Variants in EBF1 observed in about 807,000 individuals in gnomAD.
EBF1 encodes transcription factor COE1.
A neutral mutation model predicts 68.4 loss-of-function variants in EBF1; 10 were observed. The observed-to-expected ratio is 0.15, with a 90% CI of 0.09 to 0.25. The LOEUF is 0.25. Among genes scored for constraint, EBF1 ranks in the 10% least tolerant of loss-of-function variants. The pLI is 1.00. For synonymous variants in EBF1, 298 were observed against 299.8 expected (o/e 0.99, Z 0.06); for missense variants, 509 against 794.4 (o/e 0.64, Z 4.32).
At position 158,905,730 on chromosome 5, in the gene EBF1, T is replaced by C. The variant is rs578155144; in HGVS notation, c.555-65620A>G. Among the ~76,000 whole-genome samples the C allele has an allele frequency of 4.6e-5, 7 of 152,336 alleles. No homozygotes were observed. The South Asian group carries it at 6.2e-4, about 14-fold the overall frequency. On this transcript the variant is annotated intron_variant, in intron 6 of 15. Transcript: ENST00000313708. ...TTTTTTCTTGCTCATTATTGAAATATGCATCACCGAAGCTGGGGCAAAGGA... is the reference window on the plus strand; with the variant it reads ...TTTTTTCTTGCTCATTATTGAAATACGCATCACCGAAGCTGGGGCAAAGGA...
chr5:159,010,644 C>T (rs1764468912), intron 6 of EBF1, among the ~76,000 whole-genome samples: 1 of 152,208 alleles, frequency 6.6e-6, no homozygotes, highest in Non-Finnish European at 1.5e-5. Context: ...TAGAGACATA[C>T]TAAAGTCACA....
intron 6 of EBF1, among the ~76,000 whole-genome samples, chr5:158,889,257 G>A (rs886419922): frequency 6.6e-6 from 1 of 152,156 alleles, no homozygotes; most frequent in African/African-American, 2.4e-5. Context: ...GATGGGGATG[G>A]CAAGTGGTGA....
chr5:158,888,078 C>T (rs1166343606), intron 6 of EBF1, among the ~76,000 whole-genome samples: 4 of 152,028 alleles, frequency 2.6e-5, no homozygotes, highest in Non-Finnish European at 4.4e-5. Flanking sequence ...GGTGAGGGCT[C>T]GGCAGAAGTC....
chr5:158,773,352 T>G (rs892768364), intron 10 of EBF1, among the ~76,000 whole-genome samples: 20 of 152,132 alleles, frequency 1.3e-4, no homozygotes, highest in Non-Finnish European at 1.8e-4. Context: ...AATTCTCATT[T>G]CGAAGTTAGT....
chr5:158,935,077 A>C (rs1325593248), intron 6 of EBF1, among the ~76,000 whole-genome samples: 1 of 152,252 alleles, frequency 6.6e-6, no homozygotes, highest in Non-Finnish European at 1.5e-5. Context: ...AAATACATTT[A>C]AGAAAAATTG....
chr5:159,057,104 C>CTTTTTTTTTTTTTTTTTTTTT (rs1205129627), intron 6 of EBF1, among the ~76,000 whole-genome samples: 3 of 110,642 alleles, frequency 2.7e-5, no homozygotes, highest in Non-Finnish European at 3.7e-5. Flanking sequence ...CTTTTCTTTT[C>CTTTTTTTTTTTTTTTTTTTTT]TTTTTTTTTT....
At chr5:158,867,913 A>G (rs147351407) in intron 6 of EBF1, among the ~76,000 whole-genome samples, 1 of 152,178 alleles carries the variant, frequency 6.6e-6, no homozygotes, top group African/African-American at 2.4e-5. Context: ...CTCTGCCTTC[A>G]TTTGTTTTTT....
At chr5:159,090,513 G>A (rs1165462665) in intron 4 of EBF1, among the ~76,000 whole-genome samples, 1 of 152,160 alleles carries the variant, frequency 6.6e-6, no homozygotes, top group Non-Finnish European at 1.5e-5. Flanking sequence ...GTTTTCAGAA[G>A]TGAATTAGGA....
At chr5:158,740,558 C>A (rs146266453) in intron 10 of EBF1, among the ~76,000 whole-genome samples, 69 of 152,244 alleles carry the variant, frequency 4.5e-4, no homozygotes, top group African/African-American at 1.6e-3. Flanking sequence ...GTACTTGTAA[C>A]TGGAAGATAT....
Position 158,823,240 on chromosome 5 carries a change from G to A in EBF1, c.714C>T (p.Ser238=), listed in dbSNP as rs1274326563. The stretch of plus-strand genomic sequence containing the variant: ...GCCTCCGAGCCCTCCGCCCATGCTT[G>A]GAATTATTATGGACAAACATGTTAT... ...VSDNMFVHNN[S]KHGRRARRLD... The change falls in exon 8 of 16, where the codon TCC becomes TCT. Residue 238 remains serine (S), a synonymous_variant. Transcript: ENST00000313708. The A allele has an allele frequency of 6.2e-6, 10 of 1,613,802 alleles. No individual in the cohort carries two copies. The highest frequency in any genetic ancestry group is 8.5e-6 in the Non-Finnish European group (10 of 1,179,920).
intron 6 of EBF1, among the ~76,000 whole-genome samples, chr5:159,031,521 A>G (rs554409701): frequency 6.6e-6 from 1 of 152,310 alleles, no homozygotes; most frequent in Admixed American, 6.5e-5. Context: ...TTCCTGTGCT[A>G]TATAAAGTCT....
chr5:158,732,169 T>C (rs1347943544), intron 10 of EBF1, among the ~76,000 whole-genome samples: 1 of 152,184 alleles, frequency 6.6e-6, no homozygotes, highest in African/African-American at 2.4e-5. Context: ...TGCTCAACCA[T>C]GTATTTTCTC....
intron 6 of EBF1, among the ~76,000 whole-genome samples, chr5:159,029,132 CAT>C (rs1237638941): frequency 3.9e-5 from 6 of 152,124 alleles, no homozygotes; most frequent in African/African-American, 1.4e-4. Context: ...CCAAAAAAGA[CAT>C]ATAAATAAAA....
At chr5:158,759,586 A>G (rs1770944768) in intron 10 of EBF1, among the ~76,000 whole-genome samples, 2 of 152,236 alleles carry the variant, frequency 1.3e-5, no homozygotes, top group Middle Eastern at 3.4e-3. Context: ...AAATAAAAAT[A>G]AGTGTACCTG....
At chr5:159,067,654 A>G (rs1777081438) in intron 6 of EBF1, among the ~76,000 whole-genome samples, 1 of 152,200 alleles carries the variant, frequency 6.6e-6, no homozygotes, top group African/African-American at 2.4e-5. Flanking sequence ...ACTGCACACA[A>G]ATGTACGGGG....
chr5:158,857,467 G>C (rs999334052), intron 6 of EBF1, among the ~76,000 whole-genome samples: 4 of 151,968 alleles, frequency 2.6e-5, no homozygotes, highest in African/African-American at 9.7e-5. Context: ...TTGAAGTCCC[G>C]AAGACCAAAT....
chr5:158,936,790 T>G (rs762818100), intron 6 of EBF1, among the ~76,000 whole-genome samples: 5 of 152,176 alleles, frequency 3.3e-5, no homozygotes, highest in Non-Finnish European at 5.9e-5. Flanking sequence ...CTTCCCCCAG[T>G]ATGAGCCATA....
At chr5:159,019,702 G>C (rs938178775) in intron 6 of EBF1, among the ~76,000 whole-genome samples, 24 of 152,218 alleles carry the variant, frequency 1.6e-4, no homozygotes, top group Non-Finnish European at 2.5e-4. Flanking sequence ...TCACTAAGAA[G>C]TGTCTCATGT....
intron 15 of EBF1, among the ~76,000 whole-genome samples, chr5:158,703,861 T>C (rs1561676149): frequency 6.6e-6 from 1 of 152,208 alleles, no homozygotes; most frequent in Non-Finnish European, 1.5e-5. Context: ...CCTTCATCTT[T>C]CCTTCCTCTG....
Sources: allele counts gnomAD v4.1 joint callset (sites outside exome capture counted in the v4.1 genomes callset), GRCh38; gene constraint gnomAD v4.1.1; transcripts MANE v1.5; gene names NCBI Gene and HGNC (gene_info 2026-07-23, HGNC 2026-07-21).